Variants in MORC1 observed in about 807,000 individuals in gnomAD.
The protein encoded by MORC1 is MORC family CW-type zinc finger protein 1.
In MORC1, 59 loss-of-function variants were observed where a neutral mutation model predicts 134.9. The ratio of observed to expected loss-of-function variants is 0.44; its 90% CI spans 0.35 to 0.54. MORC1 has a LOEUF of 0.54. MORC1 is among the 20% of genes least tolerant of loss of function. The pLI is 0.00. For synonymous variants in MORC1, 395 were observed against 391.7 expected (o/e 1.01, Z -0.10); for missense variants, 947 against 1,134.5 (o/e 0.83, Z 2.37).
At chr3:109,040,481 AAAG>A (rs1559912826) in intron 14 of MORC1, among the ~76,000 whole-genome samples, 4 of 141,000 alleles carry the variant, frequency 2.8e-5, no homozygotes, top group African/African-American at 1.1e-4. Flanking sequence ...AGAAAGAAAG[AAAG>A]AAAGGAAAGA....
intron 24 of MORC1, among the ~76,000 whole-genome samples, chr3:108,971,827 A>G (rs368039896): frequency 1.7e-4 from 25 of 145,264 alleles, no homozygotes; most frequent in South Asian, 2.4e-4. Context: ...GGAAGGAAGG[A>G]AGGGAGGGAG....
intron 17 of MORC1, among the ~76,000 whole-genome samples, chr3:109,013,233 G>GT (rs1295620704): frequency 6.6e-6 from 1 of 151,822 alleles, no homozygotes; most frequent in South Asian, 2.1e-4. Flanking sequence ...TGGAATCTTT[G>GT]TTTTTTTAGT....
intron 17 of MORC1, among the ~76,000 whole-genome samples, chr3:109,019,516 C>T (rs1489663656): frequency 1.3e-5 from 2 of 152,206 alleles, no homozygotes; most frequent in Non-Finnish European, 2.9e-5. Flanking sequence ...AGATCTACCC[C>T]TATTCTTACA....
At chr3:109,011,915 A>G (rs1948695285) in intron 17 of MORC1, among the ~76,000 whole-genome samples, 1 of 152,150 alleles carries the variant, frequency 6.6e-6, no homozygotes, top group African/African-American at 2.4e-5. Flanking sequence ...TGACTTTTCA[A>G]TTTCTTAACA....
At chr3:109,117,781 G>T (rs959536854) in intron 1 of MORC1, among the ~76,000 whole-genome samples, 2 of 152,124 alleles carry the variant, frequency 1.3e-5, no homozygotes, top group African/African-American at 4.8e-5. Context: ...CAACCACTTG[G>T]TGTTCACTGA....
intron 25 of MORC1, 53 bp downstream of exon 25, chr3:108,971,277 G>A (rs1464696867): frequency 5.3e-6 from 8 of 1,511,884 alleles, no homozygotes; most frequent in African/African-American, 2.8e-5. Context: ...TTTCTTCACT[G>A]AGATTCAGGC....
chr3:109,001,674 C>G (rs900521490), intron 20 of MORC1, among the ~76,000 whole-genome samples: 25 of 152,216 alleles, frequency 1.6e-4, no homozygotes, highest in Non-Finnish European at 3.5e-4. Context: ...CACATCTATA[C>G]TCTCGTAGCT....
At position 109,115,405 on chromosome 3, in the gene MORC1, G is replaced by A. The variant is rs183852066; in HGVS notation, c.66-968C>T. 4.0e-3 allele frequency among the ~76,000 whole-genome samples: 599 copies of A among 151,232 alleles called. 2 individuals carry two copies. Among genetic ancestry groups the A allele is most frequent in the Non-Finnish European group, 5.6e-3 (379 of 67,892 alleles). On this transcript the variant is annotated intron_variant, in intron 1 of 27. Transcript: ENST00000232603. ...ACATTTTGGAGTTTCAAACACAGAG[G>A]ATGATTAAAAGTCTCATGAGTCAAG...
intron 2 of MORC1, among the ~76,000 whole-genome samples, chr3:109,111,486 A>G (rs1402016612): frequency 6.6e-6 from 1 of 151,930 alleles, no homozygotes; most frequent in Non-Finnish European, 1.5e-5. Flanking sequence ...ACTGATGAAG[A>G]CTGTTTTAAA....
chr3:109,061,281 T>G (rs1950076987), intron 11 of MORC1, among the ~76,000 whole-genome samples: 2 of 152,220 alleles, frequency 1.3e-5, no homozygotes, highest in African/African-American at 4.8e-5. Flanking sequence ...GCTTAATCAT[T>G]CACCATCATT....
chr3:109,026,057 A>T (rs1229570414), intron 17 of MORC1, among the ~76,000 whole-genome samples: 1 of 152,166 alleles, frequency 6.6e-6, no homozygotes, highest in African/African-American at 2.4e-5. Context: ...GTGCTCAATG[A>T]TCACCTCAAA....
intron 11 of MORC1, among the ~76,000 whole-genome samples, chr3:109,060,469 A>G (rs1950055712): frequency 6.6e-6 from 1 of 151,564 alleles, no homozygotes. Flanking sequence ...ACCAAGCAGA[A>G]GAGGAATAAT....
intron 4 of MORC1, among the ~76,000 whole-genome samples, 200 bp from the exon 5 acceptor site, chr3:109,100,707 C>G (rs1186499050): frequency 6.6e-6 from 1 of 152,212 alleles, no homozygotes; most frequent in Non-Finnish European, 1.5e-5. Context: ...CAAGGTACGG[C>G]AGGCTCCACA....
rs532987176 is a variant in MORC1, at chr3:109,114,692, C to T, written c.66-255G>A. On this transcript the variant is annotated intron_variant, in intron 1 of 27. Coordinates refer to ENST00000232603, the MANE Select transcript of MORC1 (RefSeq NM_014429.4). ...AATAAAAATTTAAGGGCCTTAGTAT[C>T]TATCATTGAAATAAACTTTGACCTT... 5.3e-5 allele frequency among the ~76,000 whole-genome samples: 8 copies of T among 152,310 alleles called. No individual in the cohort carries two copies. In the East Asian group the frequency reaches 1.5e-3, roughly 29 times the overall value.
intron 17 of MORC1, among the ~76,000 whole-genome samples, chr3:109,023,653 G>A (rs922433700): frequency 2.6e-5 from 4 of 152,138 alleles, no homozygotes; most frequent in African/African-American, 9.7e-5. Context: ...ACAATAGAAG[G>A]TAGAAGAGAA....
chr3:109,068,405 T>G (rs1950246479), intron 9 of MORC1, among the ~76,000 whole-genome samples: 1 of 152,244 alleles, frequency 6.6e-6, no homozygotes, highest in African/African-American at 2.4e-5. Flanking sequence ...ATCATTCTTA[T>G]GCCTTTGCAT....
intron 8 of MORC1, among the ~76,000 whole-genome samples, chr3:109,074,091 G>C (rs6437815): frequency 0.78 from 118,761 of 152,106 alleles, 47,398 homozygotes; most frequent in East Asian, 0.93. Context: ...TGTCAATTTA[G>C]AAACATGCTG....
chr3:109,002,566 A>C (rs749901657), intron 20 of MORC1, among the ~76,000 whole-genome samples: 1 of 152,198 alleles, frequency 6.6e-6, no homozygotes, highest in East Asian at 1.9e-4. Flanking sequence ...CAAGGCAAAA[A>C]ACCCAGCATA....
At chr3:109,010,529 G>C (rs375638299) in intron 17 of MORC1, among the ~76,000 whole-genome samples, 1 of 152,016 alleles carries the variant, frequency 6.6e-6, no homozygotes, top group East Asian at 1.9e-4. Flanking sequence ...TACAGCTTTA[G>C]TGAGATATAG....
Sources: allele counts gnomAD v4.1 joint callset (sites outside exome capture counted in the v4.1 genomes callset), GRCh38; gene constraint gnomAD v4.1.1; transcripts MANE v1.5; gene names NCBI Gene and HGNC (gene_info 2026-07-23, HGNC 2026-07-21).